The following GALNT7 variants were observed in gnomAD, a reference collection of about 807,000 sequenced individuals.
GALNT7 encodes N-acetylgalactosaminyltransferase 7.
In GALNT7, 60 loss-of-function variants were observed where a neutral mutation model predicts 82.1. The observed-to-expected ratio is 0.73, with a 90% CI of 0.59 to 0.91. The LOEUF is 0.91. Among genes scored for constraint, GALNT7 ranks in the 40% least tolerant of loss-of-function variants. GALNT7 has a pLI of 0.00. For missense variants in GALNT7, 660 were observed against 804.2 expected (o/e 0.82, Z 2.17); for synonymous variants, 243 against 275.1 (o/e 0.88, Z 1.15).
intron 1 of GALNT7, among the ~76,000 whole-genome samples, chr4:173,231,777 A>AT (rs1045551224): frequency 6.6e-6 from 1 of 152,140 alleles, no homozygotes; most frequent in African/African-American, 2.4e-5. Flanking sequence ...AACTGTTATT[A>AT]TTTTTGTATA....
At chr4:173,256,231 C>T (rs1255140168) in intron 2 of GALNT7, among the ~76,000 whole-genome samples, 3 of 152,132 alleles carry the variant, frequency 2.0e-5, no homozygotes, top group Non-Finnish European at 4.4e-5. Flanking sequence ...AGAAGCTGCA[C>T]GTGCATCCAA....
At chr4:173,317,408 T>C (rs1737643638) in intron 9 of GALNT7, 3 of 425,362 alleles carry the variant, frequency 7.1e-6, no homozygotes, top group Non-Finnish European at 1.3e-5. Context: ...CGGAAATGTA[T>C]AGTCCTTTGC....
rs146149738 is a variant in GALNT7 at position 173,225,633 on chromosome 4, C to T, written c.127-22347C>T. ...CTTATTGTGCTCATATATTAATATTCCAATTTTGTAAATGAGGAAACTGAC... is the reference window on the plus strand; with the variant it reads ...CTTATTGTGCTCATATATTAATATTTCAATTTTGTAAATGAGGAAACTGAC... On this transcript the variant is annotated intron_variant, in intron 1 of 11. Coordinates refer to ENST00000265000, the MANE Select transcript of GALNT7 (RefSeq NM_017423.3). Among the ~76,000 whole-genome samples the T allele has an allele frequency of 3.8e-3, 584 of 152,224 alleles. 1 individual carries two copies. The highest frequency in any genetic ancestry group is 0.012 in the African/African-American group (501 of 41,544).
intron 1 of GALNT7, among the ~76,000 whole-genome samples, chr4:173,244,234 C>G (rs113507446): frequency 0.027 from 4,044 of 152,196 alleles, 101 homozygotes; most frequent in African/African-American, 0.064. Context: ...ACTACTTAAC[C>G]CTTTGAAGAA....
intron 2 of GALNT7, among the ~76,000 whole-genome samples, chr4:173,278,228 C>T (rs934618222): frequency 1.2e-4 from 19 of 152,130 alleles, no homozygotes; most frequent in African/African-American, 4.6e-4. Context: ...CTTAGTAGAC[C>T]AGGAGACTGT....
chr4:173,299,506 G>A (rs1257740499), intron 6 of GALNT7, among the ~76,000 whole-genome samples: 1 of 152,138 alleles, frequency 6.6e-6, no homozygotes, highest in Non-Finnish European at 1.5e-5. Flanking sequence ...ATGTTAAGAT[G>A]CATTTTCAAG....
chr4:173,293,818 G>C (rs1736622628), intron 3 of GALNT7, among the ~76,000 whole-genome samples: 1 of 152,184 alleles, frequency 6.6e-6, no homozygotes. Context: ...GGACCCAGGC[G>C]TGCAGAGCAG....
In GALNT7 at chr4:173,313,290, C is replaced by G. The variant is rs181654568; in HGVS notation, c.1390-668C>G. On this transcript the variant is annotated intron_variant, in intron 8 of 11. Transcript: ENST00000265000. ...ATTCTAATAGAAAGAGATTGTAGGC[C>G]AGGCACAGTGGCTCACACATGTAAT... Among the ~76,000 whole-genome samples, 82 of 151,908 alleles carry G rather than the reference C, an allele frequency of 5.4e-4. 1 individual carries two copies. The highest frequency in any genetic ancestry group is 1.5e-3 in the African/African-American group (64 of 41,472).
chr4:173,314,259 A>G, intron 9 of GALNT7, 83 bp downstream of exon 9: 1 of 950,390 alleles, frequency 1.1e-6, no homozygotes, highest in East Asian at 2.4e-5. Flanking sequence ...TGTAAGAGGG[A>G]AGTATTCTTG....
Position 173,295,545 on chromosome 4 carries a change from C to G in GALNT7, c.885+19C>G. ...TGGACAGGTAGGAAGCATTTGATAT[C>G]TACAATGTCAACATTTTGGGTTTGG... On this transcript the variant is annotated intron_variant, in intron 4 of 11. Coordinates refer to ENST00000265000, the MANE Select transcript of GALNT7 (RefSeq NM_017423.3). 2 of 1,605,664 alleles carry G rather than the reference C, an allele frequency of 1.2e-6. No homozygotes were observed. Among genetic ancestry groups the G allele is most frequent in the Non-Finnish European group, 8.5e-7 (1 of 1,175,164 alleles).
chr4:173,287,851 ATAT>A (rs1314525020), intron 2 of GALNT7, among the ~76,000 whole-genome samples: 1 of 152,102 alleles, frequency 6.6e-6, no homozygotes, highest in African/African-American at 2.4e-5. Flanking sequence ...AAGTCTTTTA[ATAT>A]TATCTCTGGC....
At chr4:173,200,545 G>T (rs1282305871) in intron 1 of GALNT7, among the ~76,000 whole-genome samples, 5 of 152,022 alleles carry the variant, frequency 3.3e-5, no homozygotes. Context: ...CCTCCTACAT[G>T]TTATTTTAGG....
chr4:173,180,578 T>C (rs1430848263), intron 1 of GALNT7, among the ~76,000 whole-genome samples: 1 of 152,198 alleles, frequency 6.6e-6, no homozygotes, highest in African/African-American at 2.4e-5. Flanking sequence ...TCCGCCTGCC[T>C]TGGTTTCCCA....
In GALNT7 at chr4:173,323,365, AT is replaced by A. The variant is rs1270470661; in HGVS notation, c.*1650del. Reference sequence around the variant, plus strand: ...AACAGAGTTTTATTTATAATTTTGAATTGTCAATTTGTATTTTGCTACTGAT... The same window carrying A: ...AACAGAGTTTTATTTATAATTTTGAATGTCAATTTGTATTTTGCTACTGAT... On this transcript the variant is annotated 3_prime_UTR_variant, in exon 12 of 12. Coordinates refer to ENST00000265000, the MANE Select transcript of GALNT7 (RefSeq NM_017423.3). The A allele has an allele frequency of 3.3e-5, 5 of 152,536 alleles. No individual in the cohort carries two copies. The highest frequency in any genetic ancestry group is 7.4e-5 in the Non-Finnish European group (5 of 67,974). 9.4% of individuals were successfully genotyped at this position (152,536 alleles called of 1,614,324 possible).
intron 2 of GALNT7, among the ~76,000 whole-genome samples, chr4:173,281,972 A>C (rs1006790721): frequency 5.9e-5 from 9 of 152,070 alleles, no homozygotes; most frequent in African/African-American, 1.7e-4. Context: ...AAAATTAAGG[A>C]GCATGGACAC....
intron 1 of GALNT7, among the ~76,000 whole-genome samples, chr4:173,240,691 T>C (rs1255456547): frequency 6.6e-6 from 1 of 152,200 alleles, no homozygotes; most frequent in Non-Finnish European, 1.5e-5. Context: ...GGGGATACCA[T>C]CAGTGCATAA....
At chr4:173,297,852 A>G (rs762103037) in intron 5 of GALNT7, 1 of 1,492,918 alleles carries the variant, frequency 6.7e-7, no homozygotes, top group East Asian at 2.5e-5. Flanking sequence ...ATTCCATTGA[A>G]CCACAGCAAG....
At chr4:173,259,778 C>A (rs1333641845) in intron 2 of GALNT7, among the ~76,000 whole-genome samples, 1 of 152,160 alleles carries the variant, frequency 6.6e-6, no homozygotes, top group Non-Finnish European at 1.5e-5. Flanking sequence ...GCTGGGATCC[C>A]AGGTGCCCGC....
intron 2 of GALNT7, 140 bp from the exon 3 acceptor site, chr4:173,291,968 G>A (rs548132452): frequency 1.8e-6 from 1 of 565,296 alleles, no homozygotes; most frequent in East Asian, 3.2e-5. Context: ...TTGCATTTCT[G>A]TTAAATTTTG....
Sources: allele counts gnomAD v4.1 joint callset (sites outside exome capture counted in the v4.1 genomes callset), GRCh38; gene constraint gnomAD v4.1.1; transcripts MANE v1.5; gene names NCBI Gene and HGNC (gene_info 2026-07-23, HGNC 2026-07-21).